The following KIF5C variants were observed in gnomAD, a reference collection of about 807,000 sequenced individuals.
KIF5C encodes kinesin family member 5C, also known as kinesin heavy chain isoform 5C.
A neutral mutation model predicts 125.2 loss-of-function variants in KIF5C; 18 were observed. The ratio of observed to expected loss-of-function variants is 0.14; its 90% confidence interval spans 0.10 to 0.21. The LOEUF (loss-of-function observed/expected upper bound fraction) is 0.21. Ranked by LOEUF, KIF5C falls within the 10% of genes least tolerant of loss-of-function variation. KIF5C has a pLI of 1.00. For missense variants in KIF5C, 780 were observed against 1,183.8 expected, an observed-to-expected ratio of 0.66 and a Z score of 5.01; for synonymous variants, 405 against 434.0, an observed-to-expected ratio of 0.93 and a Z score of 0.83.
intron 3 of KIF5C, among the ~76,000 whole-genome samples, chr2:148,933,272 A>T (rs946586171): frequency 1.3e-5 from 2 of 151,998 alleles, no homozygotes; most frequent in Non-Finnish European, 2.9e-5. Context: ...GGACATTTCT[A>T]GTCTCTGAAT....
chr2:149,013,633 C>G (rs889725673), intron 25 of KIF5C, among the ~76,000 whole-genome samples: 1 of 152,180 alleles, frequency 6.6e-6, no homozygotes, highest in African/African-American at 2.4e-5. Context: ...GGCATCACCT[C>G]ATTTGATGAA....
intron 10 of KIF5C, among the ~76,000 whole-genome samples, chr2:148,950,682 G>A (rs548697128): frequency 1.1e-4 from 17 of 152,198 alleles, no homozygotes; most frequent in African/African-American, 3.4e-4. Context: ...GGTGGCATGC[G>A]CCTGTGGTCC....
At chr2:148,883,097 GTTA>G (rs1418949495) in intron 1 of KIF5C, among the ~76,000 whole-genome samples, 1 of 152,168 alleles carries the variant, frequency 6.6e-6, no homozygotes, top group African/African-American at 2.4e-5. Context: ...TTATGGTTTT[GTTA>G]TTATTCTCTT....
rs116204646 is a variant in KIF5C, at chr2:149,002,009, C to T, written c.2373+1227C>T. The stretch of plus-strand genomic sequence containing the variant: ...ACCAGCCATTGGAGACAGAAGATGC[C>T]TGTGTCCAAAGGGAGCTGGGCCTTT... On this transcript the variant is annotated intron_variant, in intron 21 of 25. Transcript: ENST00000435030. Among the ~76,000 whole-genome samples, 504 of 152,328 alleles carry T rather than the reference C, an allele frequency of 3.3e-3. 2 individuals are homozygous for T. The highest frequency in any genetic ancestry group is 0.012 in the African/African-American group (479 of 41,584).
At chr2:149,003,882 T>C (rs923496128) in intron 21 of KIF5C, among the ~76,000 whole-genome samples, 2 of 152,152 alleles carry the variant, frequency 1.3e-5, no homozygotes, top group Non-Finnish European at 2.9e-5. Context: ...TTATGAAAAA[T>C]GTAAACTGTG....
intron 21 of KIF5C, 80 bp downstream of exon 21, chr2:149,000,862 T>C: frequency 1.9e-6 from 3 of 1,596,894 alleles, no homozygotes; most frequent in Non-Finnish European, 2.6e-6. Flanking sequence ...TTCAAAATTT[T>C]ATCCATGCAC....
chr2:148,893,161 T>C (rs1222093709), intron 1 of KIF5C, among the ~76,000 whole-genome samples: 1 of 152,214 alleles, frequency 6.6e-6, no homozygotes, highest in Non-Finnish European at 1.5e-5. Context: ...AAATGGATCC[T>C]GAAGACCTTG....
intron 25 of KIF5C, among the ~76,000 whole-genome samples, chr2:149,021,056 G>GTTTTGT: frequency 6.6e-6 from 1 of 152,044 alleles, no homozygotes; most frequent in East Asian, 1.9e-4. Context: ...TGAAGAGGTG[G>GTTTTGT]TTTTGTTTTT....
intron 7 of KIF5C, among the ~76,000 whole-genome samples, chr2:148,943,185 T>C (rs1346549791): frequency 6.6e-6 from 1 of 152,186 alleles, no homozygotes; most frequent in Non-Finnish European, 1.5e-5. Context: ...ATAAACCATG[T>C]TGGATTTCTG....
chr2:148,934,120 A>G (rs1341206422), intron 3 of KIF5C, among the ~76,000 whole-genome samples: 1 of 150,460 alleles, frequency 6.6e-6, no homozygotes, highest in Non-Finnish European at 1.5e-5. Flanking sequence ...ACCACATAAC[A>G]TACTGCACAC....
intron 25 of KIF5C, among the ~76,000 whole-genome samples, chr2:149,019,810 A>C (rs183710935): frequency 6.6e-6 from 1 of 152,270 alleles, no homozygotes; most frequent in Non-Finnish European, 1.5e-5. Context: ...GTTGGGTGTG[A>C]AAACGGTCTC....
At chr2:148,906,106 G>A (rs776787681) in intron 1 of KIF5C, among the ~76,000 whole-genome samples, 21 of 152,170 alleles carry the variant, frequency 1.4e-4, no homozygotes, top group Admixed American at 3.3e-4. Context: ...TAGGAGGGAG[G>A]GGAGAGAGAG....
At position 148,875,507 on chromosome 2, in the gene KIF5C, G is replaced by A. The variant is rs1312000895; in HGVS notation, c.-111G>A. The A allele has an allele frequency of 1.1e-6, 1 of 870,578 alleles. No individual in the cohort carries two copies. The highest frequency in any genetic ancestry group is 1.7e-5 in the African/African-American group (1 of 59,066). 53.9% of individuals were successfully genotyped at this position (870,578 alleles called of 1,614,324 possible). On this transcript the variant is annotated 5_prime_UTR_variant, in exon 1 of 26. Transcript: ENST00000435030. ...GACCTGCTGAGAAGCGTCGTCGGAGGCTGCAGGAGGCGGCCTAGCTGTGGG... is the reference window on the plus strand; with the variant it reads ...GACCTGCTGAGAAGCGTCGTCGGAGACTGCAGGAGGCGGCCTAGCTGTGGG...
At position 148,876,409 on chromosome 2, in the gene KIF5C, C is replaced by G. The variant is rs1558867286; in HGVS notation, c.126+666C>G. On this transcript the variant is annotated intron_variant, in intron 1 of 25. Coordinates refer to ENST00000435030, the MANE Select transcript of KIF5C (RefSeq NM_004522.3). This position sits in a 1 kb window ranked among gnomAD's most constrained non-coding sequence, Gnocchi z 4.7. ...CCTGGCTGCCCTGGATGTGGAGTCC[C>G]GGCTTGATCCCTCCCCTCTGGGATG... Among the ~76,000 whole-genome samples, 1 of 152,126 alleles carries G rather than the reference C, an allele frequency of 6.6e-6. No homozygotes were observed. Among genetic ancestry groups the G allele is most frequent in the Admixed American group, 6.5e-5 (1 of 15,284 alleles).
At chr2:148,882,666 G>A (rs1278162154) in intron 1 of KIF5C, among the ~76,000 whole-genome samples, 15 of 152,126 alleles carry the variant, frequency 9.9e-5, no homozygotes. Context: ...TGCATGGCCT[G>A]TGAGCTTTGG....
intron 8 of KIF5C, chr2:148,947,243 A>AT: frequency 3.3e-6 from 2 of 599,294 alleles, no homozygotes; most frequent in East Asian, 6.5e-5. Context: ...TTGCATGCCA[A>AT]CTCTGATTTA....
At chr2:148,880,743 T>A (rs1465033056) in intron 1 of KIF5C, among the ~76,000 whole-genome samples, 1 of 152,190 alleles carries the variant, frequency 6.6e-6, no homozygotes, top group Non-Finnish European at 1.5e-5. Flanking sequence ...CAGAGATGTT[T>A]ATATCACCTG....
intron 25 of KIF5C, among the ~76,000 whole-genome samples, chr2:149,013,143 G>A (rs1170954302): frequency 6.6e-6 from 1 of 152,204 alleles, no homozygotes; most frequent in Non-Finnish European, 1.5e-5. Context: ...CAGGATGGCG[G>A]TTTACGTCTG....
At chr2:148,879,958 G>C (rs960146910) in intron 1 of KIF5C, 1 of 152,200 alleles carries the variant, frequency 6.6e-6, no homozygotes, top group African/African-American at 2.4e-5. Flanking sequence ...GCAGTAGATG[G>C]ATGGGGAAGG....
Sources: allele counts gnomAD v4.1 joint callset (sites outside exome capture counted in the v4.1 genomes callset), GRCh38; gene constraint gnomAD v4.1.1; non-coding constraint Gnocchi (gnomAD v3.1); transcripts MANE v1.5; gene names NCBI Gene and HGNC (gene_info 2026-07-23, HGNC 2026-07-21).